The following FYB2 variants were observed in gnomAD, a reference collection of about 807,000 sequenced individuals.
The protein encoded by FYB2 is FYN-binding protein 2.
In FYB2, 103 loss-of-function variants were observed where a neutral mutation model predicts 94.1. The observed-to-expected ratio is 1.09, with a 90% CI of 0.93 to 1.29. The LOEUF is 1.29. Among genes scored for constraint, FYB2 ranks in the 50% most tolerant of loss-of-function variants. FYB2 has a pLI of 0.00. For missense variants in FYB2, 896 were observed against 841.5 expected (o/e 1.06, Z -0.80); for synonymous variants, 293 against 287.9 (o/e 1.02, Z -0.18).
At chr1:56,792,876 T>G in intron 1 of FYB2, 73 bp from the exon 2 acceptor site, 1 of 1,443,024 alleles carries the variant, frequency 6.9e-7, no homozygotes. Context: ...AACAAGTGTC[T>G]CATTATTCCA....
chr1:56,805,701 C>CG (rs1471360548), intron 1 of FYB2, among the ~76,000 whole-genome samples: 1 of 152,136 alleles, frequency 6.6e-6, no homozygotes, highest in Non-Finnish European at 1.5e-5. Flanking sequence ...AATTGAATCA[C>CG]GGGGGCAAAT....
In FYB2 at chr1:56,742,225, A is replaced by C. The variant is rs2100618627; in HGVS notation, c.1544-4T>G. 2 of 1,577,058 alleles carry C rather than the reference A, an allele frequency of 1.3e-6. No homozygotes were observed. The highest frequency in any genetic ancestry group is 2.2e-5 in the South Asian group (2 of 89,072). On this transcript the variant is annotated splice_polypyrimidine_tract_variant and splice_region_variant and intron_variant, in intron 11 of 19. Coordinates refer to ENST00000343433, the MANE Select transcript of FYB2 (RefSeq NM_001004303.5). Reference sequence around the variant, plus strand: ...TCATACAGTTCTCTATTTTCTTCTGAAATTAGAAGAAAACCCTACTTATAT... The same window carrying C: ...TCATACAGTTCTCTATTTTCTTCTGCAATTAGAAGAAAACCCTACTTATAT...
chr1:56,763,881 T>C (rs1026128159), intron 5 of FYB2, among the ~76,000 whole-genome samples: 6 of 152,130 alleles, frequency 3.9e-5, no homozygotes, highest in African/African-American at 1.4e-4. Flanking sequence ...AGAAGTTTGA[T>C]TATGACTCTT....
At position 56,753,757 on chromosome 1, in the gene FYB2, A is replaced by G. The variant is rs949704812; in HGVS notation, c.1227+82T>C. 9 of 874,490 alleles carry G rather than the reference A, an allele frequency of 1.0e-5. No homozygotes were observed. In the Admixed American group the frequency reaches 1.7e-4, roughly 17 times the overall value. The allele number at this position is 874,490 out of a possible 1,614,324, so 54.2% of individuals were successfully genotyped here. On this transcript the variant is annotated intron_variant, in intron 8 of 19. Coordinates refer to ENST00000343433, the MANE Select transcript of FYB2 (RefSeq NM_001004303.5). ...CTTTTCTAACTCTGTCTCTCTGAAGAGCTCTCTCAGGCCATATAAAGTCAC... is the reference window on the plus strand; with the variant it reads ...CTTTTCTAACTCTGTCTCTCTGAAGGGCTCTCTCAGGCCATATAAAGTCAC...
chr1:56,800,462 T>C (rs934644693), intron 1 of FYB2, among the ~76,000 whole-genome samples: 1 of 152,054 alleles, frequency 6.6e-6, no homozygotes, highest in Non-Finnish European at 1.5e-5. Context: ...AAGCTTCCTA[T>C]GTAAAGGCAA....
At chr1:56,722,752 A>T (rs1644509713) in intron 17 of FYB2, among the ~76,000 whole-genome samples, 1 of 152,098 alleles carries the variant, frequency 6.6e-6, no homozygotes, top group Non-Finnish European at 1.5e-5. Context: ...ATATGCAAAG[A>T]TCAGGACATA....
At chr1:56,720,941 C>T (rs1287194302) in intron 17 of FYB2, 1 of 152,088 alleles carries the variant, frequency 6.6e-6, no homozygotes, top group African/African-American at 2.4e-5. Flanking sequence ...AATATTCTTA[C>T]ATACCTATCA....
intron 1 of FYB2, among the ~76,000 whole-genome samples, chr1:56,811,590 G>A (rs1050816877): frequency 1.3e-5 from 2 of 152,136 alleles, no homozygotes; most frequent in Non-Finnish European, 2.9e-5. Context: ...AACAAGACAG[G>A]GTTGTCACAG....
At chr1:56,826,165 A>T in the FYB2 span, among the ~76,000 whole-genome samples, 1 of 152,138 alleles carries the variant, frequency 6.6e-6, no homozygotes, top group Admixed American at 6.5e-5. Flanking sequence ...CCCTTCAATC[A>T]ATGTGGTTCC....
chr1:56,751,158 C>T lies in FYB2; in HGVS notation c.1273G>A (p.Val425Ile), dbSNP rs749931866. 1.6e-4 allele frequency: 261 copies of T among 1,612,482 alleles called. No individual in the cohort carries two copies. The highest frequency in any genetic ancestry group is 2.1e-4 in the Non-Finnish European group (246 of 1,179,164). Residue 425 changes from valine to isoleucine, a missense_variant, in exon 9 of 20, where the codon GTC (valine) becomes ATC (isoleucine). Transcript: ENST00000343433. ...AACATGTTCCTTCTACCTGTGTGGA[C>T]GTTGGTCATCTGAATTTTTTCAGGT... ...GTPEKIQMTN[V>I]HTGRRNMLAG...
chr1:56,794,514 G>A (rs1057097384), intron 1 of FYB2, among the ~76,000 whole-genome samples: 6 of 152,106 alleles, frequency 3.9e-5, no homozygotes, highest in Non-Finnish European at 8.8e-5. Flanking sequence ...AATGTTGGGC[G>A]ACCTTTTCTC....
intron 1 of FYB2, among the ~76,000 whole-genome samples, chr1:56,796,650 AC>A (rs1646405047): frequency 6.6e-6 from 1 of 152,144 alleles, no homozygotes; most frequent in Non-Finnish European, 1.5e-5. Flanking sequence ...TTTGCTTAGC[AC>A]ATAAGACCCA....
At chr1:56,810,000 A>G (rs745961047) in intron 1 of FYB2, among the ~76,000 whole-genome samples, 2 of 152,046 alleles carry the variant, frequency 1.3e-5, no homozygotes, top group Admixed American at 6.6e-5. Context: ...GATAGTTGTG[A>G]TATGGATAAA....
chr1:56,825,909 C>T, the FYB2 span, among the ~76,000 whole-genome samples: 1 of 152,182 alleles, frequency 6.6e-6, no homozygotes, highest in African/African-American at 2.4e-5. Flanking sequence ...AAACCTGCTC[C>T]AAGCAGCATC....
rs751524415 is a variant in FYB2, at chr1:56,792,590, G to T, written c.223C>A (p.Gln75Lys). 2.5e-6 allele frequency: 4 copies of T among 1,614,092 alleles called. No homozygotes were observed. In the Admixed American group the frequency reaches 6.7e-5, roughly 27 times the overall value. The part of the protein sequence containing the change: ...YCSSSESQPL[Q>K]PQKIKLAQKS... ...TGAGCCAACTTTATTTTCTGAGGTTGAAGAGGCTGGGACTCACTACTGGAA... is the reference window on the plus strand; with the variant it reads ...TGAGCCAACTTTATTTTCTGAGGTTTAAGAGGCTGGGACTCACTACTGGAA... Residue 75 changes from glutamine (Q) to lysine (K), a missense_variant, in exon 2 of 20, where the codon CAA becomes AAA. By Grantham distance (53) the Gln-to-Lys change is moderately conservative (BLOSUM62 1). Transcript: ENST00000343433.
chr1:56,780,490 T>C (rs1329950113), intron 4 of FYB2, among the ~76,000 whole-genome samples: 1 of 152,160 alleles, frequency 6.6e-6, no homozygotes, highest in African/African-American at 2.4e-5. Flanking sequence ...GGGGTGATAG[T>C]TGAGAGGCTG....
intron 6 of FYB2, 90 bp downstream of exon 6, chr1:56,758,626 C>A: frequency 9.8e-7 from 1 of 1,017,680 alleles, no homozygotes; most frequent in Non-Finnish European, 1.4e-6. Context: ...AAAACAAAGA[C>A]ATTTTTTCCC....
At chr1:56,768,191 T>C (rs1645671960) in intron 4 of FYB2, among the ~76,000 whole-genome samples, 2 of 152,108 alleles carry the variant, frequency 1.3e-5, no homozygotes, top group African/African-American at 4.8e-5. Context: ...GTGCCAGACA[T>C]ACAGAGGAAA....
intron 5 of FYB2, among the ~76,000 whole-genome samples, chr1:56,763,876 T>C (rs2100785304): frequency 6.6e-6 from 1 of 152,256 alleles, no homozygotes; most frequent in African/African-American, 2.4e-5. Context: ...CTTTAAGAAG[T>C]TTGATTATGA....
Sources: allele counts gnomAD v4.1 joint callset (sites outside exome capture counted in the v4.1 genomes callset), GRCh38; gene constraint gnomAD v4.1.1; transcripts MANE v1.5; gene names NCBI Gene and HGNC (gene_info 2026-07-23, HGNC 2026-07-21).